Variants in PKHD1 observed in about 807,000 individuals in gnomAD.
The protein encoded by PKHD1 is fibrocystin.
PKHD1 carries 291 observed loss-of-function variants against 412.0 expected under a neutral mutation model. The observed-to-expected ratio is 0.71, with a 90% CI of 0.64 to 0.78. The LOEUF is 0.78. Ranked by LOEUF, PKHD1 falls within the 30% of genes least tolerant of loss-of-function variation. The pLI is 0.00. For synonymous variants in PKHD1, 1,777 were observed against 1,821.5 expected (o/e 0.98, Z 0.62); for missense variants, 4,825 against 4,950.7 (o/e 0.97, Z 0.76).
chr6:52,022,991 CT>C lies in PKHD1; in HGVS notation c.5237-48del, dbSNP rs767941588. On this transcript the variant is annotated intron_variant, in intron 32 of 66. Coordinates refer to ENST00000371117, the MANE Select transcript of PKHD1 (RefSeq NM_138694.4). ...TTCTTGATCATACAGGCAAATCTCC[CT>C]TCTTTACTCAACTCAAAATTCAAAC... The C allele has an allele frequency of 3.7e-6, 6 of 1,608,812 alleles. No individual in the cohort carries two copies. In the East Asian group the frequency reaches 6.7e-5, roughly 18 times the overall value.
intron 37 of PKHD1, among the ~76,000 whole-genome samples, chr6:51,920,863 G>T (rs1784583003): frequency 6.6e-6 from 1 of 152,148 alleles, no homozygotes. Context: ...GGGTGTATGT[G>T]TCCAGGAATT....
intron 60 of PKHD1, among the ~76,000 whole-genome samples, chr6:51,664,185 C>T (rs1463588507): frequency 6.6e-6 from 1 of 152,066 alleles, no homozygotes; most frequent in Non-Finnish European, 1.5e-5. Flanking sequence ...ACCCAGAAGC[C>T]AGTCTGTCAT....
intron 36 of PKHD1, among the ~76,000 whole-genome samples, chr6:51,950,220 A>AAAAAAAAATATATATATATATATAT: frequency 2.3e-4 from 23 of 98,294 alleles, no homozygotes; most frequent in African/African-American, 8.7e-4. Flanking sequence ...GAAAAAAAAA[A>AAAAAAAAATATATATATATATATAT]ATATATATAT....
chr6:51,738,927 A>G (rs1784201635), intron 60 of PKHD1, among the ~76,000 whole-genome samples: 1 of 151,990 alleles, frequency 6.6e-6, no homozygotes, highest in Admixed American at 6.6e-5. Context: ...CAAGACACAC[A>G]CACACACAGA....
intron 60 of PKHD1, 72 bp from the exon 61 acceptor site, chr6:51,660,041 C>T (rs1179968302): frequency 9.7e-6 from 9 of 923,650 alleles, no homozygotes; most frequent in Non-Finnish European, 1.2e-5. Context: ...TAATCCATCA[C>T]TCTTGCCATC....
At chr6:52,073,377 A>AATTT in intron 7 of PKHD1, 86 bp downstream of exon 7, 1 of 866,530 alleles carries the variant, frequency 1.2e-6, no homozygotes, top group Non-Finnish European at 2.0e-6. Flanking sequence ...AACTGCTTAC[A>AATTT]ATTTATTGCC....
chr6:51,910,925 A>AC (rs113745943), intron 39 of PKHD1, among the ~76,000 whole-genome samples: 6,438 of 152,040 alleles, frequency 0.042, 146 homozygotes, highest in African/African-American at 0.058. Flanking sequence ...TTTAGACACA[A>AC]CTCAAATCTT....
intron 60 of PKHD1, among the ~76,000 whole-genome samples, chr6:51,701,837 A>G (rs956712704): frequency 6.6e-6 from 1 of 151,908 alleles, no homozygotes; most frequent in African/African-American, 2.4e-5. Context: ...ACCAAAGAGT[A>G]AGAATTTTAG....
At chr6:51,920,784 T>C (rs1784570439) in intron 37 of PKHD1, among the ~76,000 whole-genome samples, 1 of 152,222 alleles carries the variant, frequency 6.6e-6, no homozygotes, top group Non-Finnish European at 1.5e-5. Flanking sequence ...CTATTAATTA[T>C]TGCCTCAATT....
intron 58 of PKHD1, among the ~76,000 whole-genome samples, chr6:51,747,506 A>C (rs756234801): frequency 6.6e-6 from 1 of 152,136 alleles, no homozygotes; most frequent in Non-Finnish European, 1.5e-5. Flanking sequence ...GGAGTTTGAG[A>C]CCAGCCTGGT....
chr6:51,738,938 C>T (rs933415587), intron 60 of PKHD1, among the ~76,000 whole-genome samples: 10 of 151,918 alleles, frequency 6.6e-5, no homozygotes, highest in Admixed American at 6.6e-4. Flanking sequence ...CACACACAGA[C>T]AACTCAAACT....
chr6:51,670,321 T>G lies in PKHD1; in HGVS notation c.10157-10352A>C, dbSNP rs567139523. 5.5e-4 allele frequency among the ~76,000 whole-genome samples: 84 copies of G among 152,310 alleles called. No homozygotes were observed. In the South Asian group the frequency reaches 0.017, roughly 32 times the overall value. On this transcript the variant is annotated intron_variant, in intron 60 of 66. Coordinates refer to ENST00000371117, the MANE Select transcript of PKHD1 (RefSeq NM_138694.4). ...ATGTAATGGCCTTCTTCGTCTCTTTTGATCTTTGTTGGTTTAAAGTCTGTT... is the reference window on the plus strand; with the variant it reads ...ATGTAATGGCCTTCTTCGTCTCTTTGGATCTTTGTTGGTTTAAAGTCTGTT...
intron 60 of PKHD1, among the ~76,000 whole-genome samples, chr6:51,742,685 C>T (rs924002343): frequency 6.6e-6 from 1 of 152,000 alleles, no homozygotes; most frequent in Non-Finnish European, 1.5e-5. Context: ...CCCAAATACA[C>T]ATCAGTGAAC....
intron 53 of PKHD1, among the ~76,000 whole-genome samples, chr6:51,787,277 T>C (rs1793029856): frequency 6.7e-6 from 1 of 148,800 alleles, no homozygotes; most frequent in Admixed American, 6.8e-5. Context: ...GAGAATTACT[T>C]AAAACTGGAA....
chr6:51,895,395 G>C (rs1250360219), intron 43 of PKHD1, among the ~76,000 whole-genome samples: 1 of 152,172 alleles, frequency 6.6e-6, no homozygotes, highest in African/African-American at 2.4e-5. Context: ...AACTGGACTA[G>C]ACTTTGCAAG....
chr6:51,848,998 T>C (rs1422221383), intron 49 of PKHD1, among the ~76,000 whole-genome samples: 1 of 150,512 alleles, frequency 6.6e-6, no homozygotes, highest in East Asian at 2.0e-4. Flanking sequence ...CAGGTATACG[T>C]GTGCCATGGT....
chr6:52,040,336 G>T (rs753809232), intron 27 of PKHD1, among the ~76,000 whole-genome samples: 1 of 152,034 alleles, frequency 6.6e-6, no homozygotes, highest in Admixed American at 6.5e-5. Context: ...TATTTCTAAG[G>T]TATACTACCC....
chr6:52,083,069 G>GC, intron 3 of PKHD1, 109 bp downstream of exon 3: 1 of 803,230 alleles, frequency 1.2e-6, no homozygotes, highest in Admixed American at 1.8e-5. Flanking sequence ...CTCCCTTCAG[G>GC]CCCACTTTTA....
At chr6:51,968,202 A>G (rs1467757454) in intron 35 of PKHD1, among the ~76,000 whole-genome samples, 3 of 152,202 alleles carry the variant, frequency 2.0e-5, no homozygotes, top group Non-Finnish European at 2.9e-5. Flanking sequence ...TACCATCTTC[A>G]TACAATAGAA....
Sources: allele counts gnomAD v4.1 joint callset (sites outside exome capture counted in the v4.1 genomes callset), GRCh38; gene constraint gnomAD v4.1.1; transcripts MANE v1.5; gene names NCBI Gene and HGNC (gene_info 2026-07-23, HGNC 2026-07-21).